The following SHLD2 variants were observed in gnomAD, a reference collection of about 807,000 sequenced individuals.
The protein encoded by SHLD2 is RINN1-REV7-interacting novel NHEJ regulator 2.
SHLD2 carries 30 observed loss-of-function variants against 73.2 expected under a neutral mutation model. The ratio of observed to expected loss-of-function variants is 0.41; its 90% CI spans 0.31 to 0.56. The LOEUF is 0.56. Among genes scored for constraint, SHLD2 ranks in the 20% least tolerant of loss-of-function variants. The pLI, the probability that SHLD2 is intolerant of heterozygous loss-of-function variation, is 0.28. For missense variants in SHLD2, 745 were observed against 1,055.9 expected (o/e 0.71, Z 4.08); for synonymous variants, 285 against 370.1 (o/e 0.77, Z 2.64).
intron 2 of SHLD2, among the ~76,000 whole-genome samples, chr10:87,100,320 C>A (rs960988450): frequency 6.6e-6 from 1 of 152,160 alleles, no homozygotes; most frequent in Non-Finnish European, 1.5e-5. Context: ...ACGTGGCTAT[C>A]CAGTTCATTT....
chr10:87,172,069 C>G (rs1360845392), intron 6 of SHLD2, among the ~76,000 whole-genome samples: 1 of 152,128 alleles, frequency 6.6e-6, no homozygotes, highest in East Asian at 1.9e-4. Flanking sequence ...ACAGTTGTCT[C>G]TAGGTGATTC....
At chr10:87,147,765 C>T (rs952002028) in intron 2 of SHLD2, among the ~76,000 whole-genome samples, 42 of 152,148 alleles carry the variant, frequency 2.8e-4, no homozygotes, top group Non-Finnish European at 5.1e-4. Context: ...TAAGAGCCTA[C>T]GAAAAATGCA....
chr10:87,167,001 GCTT>G (rs1003975624), intron 4 of SHLD2, among the ~76,000 whole-genome samples: 1 of 151,398 alleles, frequency 6.6e-6, no homozygotes, highest in African/African-American at 2.4e-5. Flanking sequence ...TAGCTAAATG[GCTT>G]CTAAGTAAAA....
At chr10:87,128,244 A>G (rs1267882368) in intron 2 of SHLD2, among the ~76,000 whole-genome samples, 1 of 152,194 alleles carries the variant, frequency 6.6e-6, no homozygotes, top group East Asian at 1.9e-4. Flanking sequence ...TAAAAAATTG[A>G]TTTACTTGAA....
chr10:87,165,575 G>A (rs533235532), intron 4 of SHLD2, among the ~76,000 whole-genome samples: 48 of 152,174 alleles, frequency 3.2e-4, no homozygotes, highest in African/African-American at 1.1e-3. Context: ...AGGGAAGGAC[G>A]TTCTACTAAA....
chr10:87,154,100 C>T (rs908690577), intron 3 of SHLD2: 3 of 152,262 alleles, frequency 2.0e-5, no homozygotes, highest in African/African-American at 7.2e-5. Flanking sequence ...TCAATTGATC[C>T]TCCTGCCGCA....
chr10:87,165,427 A>G (rs1200015056), intron 4 of SHLD2, among the ~76,000 whole-genome samples: 2 of 152,212 alleles, frequency 1.3e-5, no homozygotes, highest in Non-Finnish European at 2.9e-5. Context: ...AGTGATTGGG[A>G]TAAATATCAC....
chr10:87,107,890 T>C (rs1285872705), intron 2 of SHLD2, among the ~76,000 whole-genome samples: 1 of 152,060 alleles, frequency 6.6e-6, no homozygotes, highest in Admixed American at 6.6e-5. Flanking sequence ...TTTGTTTGTT[T>C]GTTTTTTGTT....
chr10:87,175,671 G>A (rs1459525973), intron 6 of SHLD2, among the ~76,000 whole-genome samples: 1 of 152,086 alleles, frequency 6.6e-6, no homozygotes. Context: ...GCAACAGAGT[G>A]AGACTCTGTC....
chr10:87,131,606 C>T (rs2134157818), intron 2 of SHLD2, among the ~76,000 whole-genome samples: 1 of 152,144 alleles, frequency 6.6e-6, no homozygotes, highest in East Asian at 1.9e-4. Context: ...TTTATCTGTT[C>T]ATCAGTTGAT....
intron 2 of SHLD2, among the ~76,000 whole-genome samples, chr10:87,111,479 ACAAAT>A (rs1426184179): frequency 1.3e-5 from 2 of 151,810 alleles, no homozygotes; most frequent in Non-Finnish European, 2.9e-5. Context: ...CCTCTCTACT[ACAAAT>A]ACAAAAATTA....
chr10:87,188,783 A>G (rs1315856135), intron 9 of SHLD2, among the ~76,000 whole-genome samples: 2 of 152,000 alleles, frequency 1.3e-5, no homozygotes, highest in African/African-American at 2.4e-5. Context: ...CTGTTTTACA[A>G]CCTTGGTTCT....
At chr10:87,100,139 G>T (rs1015190300) in intron 2 of SHLD2, among the ~76,000 whole-genome samples, 1 of 151,886 alleles carries the variant, frequency 6.6e-6, no homozygotes, top group South Asian at 2.1e-4. Context: ...GTTTTCTTTC[G>T]ATACTTATGC....
intron 3 of SHLD2, among the ~76,000 whole-genome samples, chr10:87,157,359 A>C (rs1846504706): frequency 3.3e-5 from 5 of 152,168 alleles, no homozygotes; most frequent in Admixed American, 3.3e-4. Flanking sequence ...CTGACACTGT[A>C]TGCTGATTAG....
At chr10:87,181,218 CAAAAAAAAA>C (rs1240727171) in intron 8 of SHLD2, among the ~76,000 whole-genome samples, 5 of 108,334 alleles carry the variant, frequency 4.6e-5, no homozygotes, top group Non-Finnish European at 7.2e-5. Context: ...CCATCTCTAC[CAAAAAAAAA>C]AAAAAAAAAA....
chr10:87,170,121 A>G (rs1847486289), intron 4 of SHLD2, among the ~76,000 whole-genome samples: 1 of 152,220 alleles, frequency 6.6e-6, no homozygotes, highest in East Asian at 1.9e-4. Context: ...ATCAGACTCC[A>G]GGGACTGGGG....
At chr10:87,178,151 G>A (rs1233916622) in intron 7 of SHLD2, among the ~76,000 whole-genome samples, 6 of 140,094 alleles carry the variant, frequency 4.3e-5, no homozygotes, top group African/African-American at 8.0e-5. Context: ...CAGGAAAATT[G>A]CTTGAACGCA....
rs1321113549 is a variant in SHLD2, at chr10:87,190,524, C to T, written c.2556C>T (p.Asp852=). 1 of 1,611,844 alleles carries T rather than the reference C, an allele frequency of 6.2e-7. No individual in the cohort carries two copies. The highest frequency in any genetic ancestry group is 1.3e-5 in the African/African-American group (1 of 74,834). Residue 852 remains aspartate (D), a synonymous_variant, in exon 10 of 10, where the codon GAC becomes GAT. Transcript: ENST00000298786. ...TCACCTATGGGATGGTCGTGGCAGA[C>T]CTGTTCCACTCCTTGTTGGCAGTCA... is the stretch of plus-strand genomic sequence containing the variant. ...SEITYGMVVA[D]LFHSLLAVSA...
intron 1 of SHLD2, among the ~76,000 whole-genome samples, chr10:87,095,542 G>C (rs1190396012): frequency 1.3e-5 from 2 of 152,216 alleles, no homozygotes; most frequent in Non-Finnish European, 2.9e-5. Flanking sequence ...CCGCCGCCGC[G>C]TAAGGCCGGG....
Sources: gnomAD v4.1 joint callset for allele counts (sites outside exome capture counted in the v4.1 genomes callset) on GRCh38, gnomAD v4.1.1 for gene constraint, MANE v1.5 for transcripts, NCBI Gene and HGNC (gene_info 2026-07-23, HGNC 2026-07-21) for gene names.